IQCB1: variants seen among roughly 807,000 people sequenced by gnomAD.
IQCB1 encodes the protein IQ motif containing B1, also known as IQ calmodulin-binding motif-containing protein 1.
In IQCB1, 56 loss-of-function variants were observed where a neutral mutation model predicts 84.4. The ratio of observed to expected loss-of-function variants is 0.66; its 90% CI spans 0.54 to 0.83. IQCB1 has a LOEUF of 0.83. Among genes scored for constraint, IQCB1 ranks in the 40% least tolerant of loss-of-function variants. IQCB1 has a pLI of 0.00. For missense variants in IQCB1, 629 were observed against 682.1 expected (o/e 0.92, Z 0.87); for synonymous variants, 210 against 234.8 (o/e 0.89, Z 0.96).
At chr3:121,772,874 C>A (rs1372964186) in intron 13 of IQCB1, among the ~76,000 whole-genome samples, 161 bp from the exon 14 acceptor site, 1 of 152,202 alleles carries the variant, frequency 6.6e-6, no homozygotes, top group Non-Finnish European at 1.5e-5. Context: ...ATTAATTAGT[C>A]TCTTAAAAGT....
At chr3:121,812,008 A>G (rs531486557) in intron 5 of IQCB1, among the ~76,000 whole-genome samples, 1 of 152,260 alleles carries the variant, frequency 6.6e-6, no homozygotes, top group Admixed American at 6.5e-5. Flanking sequence ...ACTGGGAGAC[A>G]CCTCCAAACA....
intron 5 of IQCB1, among the ~76,000 whole-genome samples, chr3:121,810,118 T>C (rs1402588060): frequency 6.6e-6 from 1 of 152,106 alleles, no homozygotes; most frequent in Non-Finnish European, 1.5e-5. Context: ...CTTCCTACTT[T>C]CCTTAAAATG....
chr3:121,803,384 C>G (rs562987098), intron 7 of IQCB1, among the ~76,000 whole-genome samples: 4 of 152,028 alleles, frequency 2.6e-5, no homozygotes, highest in Non-Finnish European at 5.9e-5. Flanking sequence ...ATTTATGGCT[C>G]GGAATATGCA....
chr3:121,813,386 A>G (rs1010572542), intron 5 of IQCB1, among the ~76,000 whole-genome samples: 18 of 152,240 alleles, frequency 1.2e-4, no homozygotes, highest in Non-Finnish European at 2.4e-4. Flanking sequence ...ATAACCAGCC[A>G]GCATCATAAT....
chr3:121,773,313 T>TTA (rs529640582), intron 13 of IQCB1, among the ~76,000 whole-genome samples: 1 of 104,418 alleles, frequency 9.6e-6, no homozygotes, highest in Non-Finnish European at 1.8e-5. Flanking sequence ...GACTCTGCCT[T>TTA]AAAAAAAAAA....
rs555304699 is a variant in IQCB1 at position 121,779,285 on chromosome 3, T to TA, written c.1410+2457dup. 8.9e-4 allele frequency among the ~76,000 whole-genome samples: 136 copies of TA among 152,282 alleles called. 1 individual carries two copies. Among genetic ancestry groups the TA allele is most frequent in the Admixed American group, 5.0e-3 (77 of 15,298 alleles). ...CCAAGTTTTCATTTACTGGGCCACTTACAGTCCCACAGCTCAGTAATGGTC... is the reference window on the plus strand; with the variant it reads ...CCAAGTTTTCATTTACTGGGCCACTTAACAGTCCCACAGCTCAGTAATGGTC... On this transcript the variant is annotated intron_variant, in intron 13 of 14. Coordinates refer to ENST00000310864, the MANE Select transcript of IQCB1 (RefSeq NM_001023570.4).
chr3:121,813,809 C>G (rs1339599596), intron 5 of IQCB1, among the ~76,000 whole-genome samples: 1 of 152,130 alleles, frequency 6.6e-6, no homozygotes, highest in Non-Finnish European at 1.5e-5. Context: ...CTTAGACTCC[C>G]ACACAATAAT....
chr3:121,786,170 C>CAAGAAAAGAAAAGAAAGAAAAGAAAAG lies in IQCB1; in HGVS notation c.1278+2113_1278+2114insCTTTTCTTTTCTTTCTTTTCTTTTCTT. On this transcript the variant is annotated intron_variant, in intron 12 of 14. Coordinates refer to ENST00000310864, the MANE Select transcript of IQCB1 (RefSeq NM_001023570.4). ...TGGGAGACAGAGAGAGATTCTGTCTCAAAAGAAAAGAAAAGAAAAGAAAAG... is the reference window on the plus strand; with the variant it reads ...TGGGAGACAGAGAGAGATTCTGTCTCAAGAAAAGAAAAGAAAGAAAAGAAAAGAAAAGAAAAGAAAAGAAAAGAAAAG... Among the ~76,000 whole-genome samples the CAAGAAAAGAAAAGAAAGAAAAGAAAAG allele has an allele frequency of 2.7e-5, 2 of 72,870 alleles. 1 individual carries two copies. The highest frequency in any genetic ancestry group is 3.9e-4 in the Admixed American group (2 of 5,162). 47.8% of individuals were successfully genotyped at this position (72,870 alleles called of 152,430 possible).
chr3:121,814,643 T>A (rs1029482066), intron 5 of IQCB1, among the ~76,000 whole-genome samples: 4 of 152,076 alleles, frequency 2.6e-5, no homozygotes, highest in African/African-American at 9.7e-5. Context: ...TCTACACAAA[T>A]AAACTAGAAA....
At chr3:121,787,490 C>T (rs1438193351) in intron 12 of IQCB1, among the ~76,000 whole-genome samples, 5 of 152,142 alleles carry the variant, frequency 3.3e-5, no homozygotes, top group Admixed American at 6.5e-5. Context: ...CGGTGGCTCA[C>T]GCCTGTAATC....
At chr3:121,812,783 C>T (rs1949879829) in intron 5 of IQCB1, among the ~76,000 whole-genome samples, 4 of 152,046 alleles carry the variant, frequency 2.6e-5, no homozygotes, top group African/African-American at 4.8e-5. Context: ...AAAAGACAAA[C>T]ATACGATTGC....
At chr3:121,807,209 T>C (rs922032983) in intron 7 of IQCB1, 135 bp downstream of exon 7, 1 of 624,282 alleles carries the variant, frequency 1.6e-6, no homozygotes, top group Non-Finnish European at 3.0e-6. Context: ...ATACATTATA[T>C]ACGAGTATAT....
At chr3:121,829,108 TTTTCA>T in intron 2 of IQCB1, 136 bp from the exon 3 acceptor site, 1 of 647,924 alleles carries the variant, frequency 1.5e-6, no homozygotes, top group East Asian at 2.8e-5. Context: ...AATGTAGATT[TTTTCA>T]TTTCTTCCTT....
intron 2 of IQCB1, among the ~76,000 whole-genome samples, chr3:121,832,181 T>A (rs1201797602): frequency 6.6e-6 from 1 of 152,228 alleles, no homozygotes; most frequent in Non-Finnish European, 1.5e-5. Context: ...ATCCCTTGAC[T>A]ATATTTCTAT....
chr3:121,835,042 G>T lies in IQCB1; in HGVS notation c.-178C>A, dbSNP rs191557781. 3 of 572,564 alleles carry T rather than the reference G, an allele frequency of 5.2e-6. No individual in the cohort carries two copies. Among genetic ancestry groups the T allele is most frequent in the Admixed American group, 3.0e-5 (1 of 32,874 alleles). The allele number at this position is 572,564 out of a possible 1,614,324, so 35.5% of individuals were successfully genotyped here. A position where few individuals can be genotyped will look rare whatever the true frequency, so the allele number is the denominator to read the frequency against. ...CACTACAGCGCCGCGGCCTTCCGGG[G>T]CAGCGTGCGTCGCGACGCGGGAAGG... On this transcript the variant is annotated 5_prime_UTR_variant, in exon 1 of 15. Transcript: ENST00000310864.
chr3:121,770,303 C>T lies in IQCB1; in HGVS notation c.*42G>A. 1 of 1,352,396 alleles carries T rather than the reference C, an allele frequency of 7.4e-7. No homozygotes were observed. The highest frequency in any genetic ancestry group is 1.1e-6 in the Non-Finnish European group (1 of 944,700). 83.8% of individuals were successfully genotyped at this position (1,352,396 alleles called of 1,614,324 possible). ...ATGCCAGAGGCAGAACCAATATAAT[C>T]TCCTAAAATATGAGATTTGTGTCAA... On this transcript the variant is annotated 3_prime_UTR_variant, in exon 15 of 15. Coordinates refer to ENST00000310864, the MANE Select transcript of IQCB1 (RefSeq NM_001023570.4).
At chr3:121,824,561 C>A (rs1950394459) in intron 5 of IQCB1, among the ~76,000 whole-genome samples, 1 of 148,028 alleles carries the variant, frequency 6.8e-6, no homozygotes, top group Non-Finnish European at 1.5e-5. Context: ...AAGATAAGGT[C>A]TATTATCAGA....
At chr3:121,786,103 A>AT (rs1184059350) in intron 12 of IQCB1, among the ~76,000 whole-genome samples, 2 of 148,154 alleles carry the variant, frequency 1.3e-5, no homozygotes, top group Admixed American at 1.4e-4. Flanking sequence ...CCTCGCAGAT[A>AT]AAGGCTCCAG....
At chr3:121,793,620 C>T (rs560295616) in intron 10 of IQCB1, among the ~76,000 whole-genome samples, 4 of 152,222 alleles carry the variant, frequency 2.6e-5, no homozygotes, top group African/African-American at 7.2e-5. Context: ...AGGTTAGAAC[C>T]GCATTTCAGT....
Sources: gnomAD v4.1 joint callset for allele counts (sites outside exome capture counted in the v4.1 genomes callset) on GRCh38, gnomAD v4.1.1 for gene constraint, MANE v1.5 for transcripts, NCBI Gene and HGNC (gene_info 2026-07-23, HGNC 2026-07-21) for gene names.